SYT16: variants seen among roughly 807,000 people sequenced by gnomAD.
The protein encoded by SYT16 is synaptotagmin 16.
SYT16 carries 42 observed loss-of-function variants against 61.4 expected under a neutral mutation model. The observed-to-expected ratio is 0.68, with a 90% CI of 0.53 to 0.89. SYT16 has a LOEUF of 0.89. Ranked by LOEUF, SYT16 falls within the 40% of genes least tolerant of loss-of-function variation. The pLI is 0.00. For missense variants in SYT16, 804 were observed against 807.3 expected (o/e 1.00, Z 0.05); for synonymous variants, 314 against 302.3 (o/e 1.04, Z -0.40).
chr14:62,078,495 T>G (rs910260306), intron 5 of SYT16, among the ~76,000 whole-genome samples: 2 of 152,190 alleles, frequency 1.3e-5, no homozygotes, highest in Non-Finnish European at 2.9e-5. Flanking sequence ...AGATAATGTT[T>G]CTTAGTTGGG....
chr14:62,080,173 C>T (rs2056656567), intron 5 of SYT16, among the ~76,000 whole-genome samples: 1 of 152,180 alleles, frequency 6.6e-6, no homozygotes, highest in South Asian at 2.1e-4. Flanking sequence ...CTCCTAAATC[C>T]TTGCTGCTCA....
chr14:61,905,481 T>A (rs898648459), intron 1 of SYT16, among the ~76,000 whole-genome samples: 2 of 152,220 alleles, frequency 1.3e-5, no homozygotes, highest in African/African-American at 4.8e-5. Context: ...ATTTCCCAGA[T>A]CTTCTTGCAT....
At chr14:62,011,872 T>TACACACACACACACACACACAC (rs1233473446) in intron 3 of SYT16, among the ~76,000 whole-genome samples, 3 of 135,872 alleles carry the variant, frequency 2.2e-5, no homozygotes, top group African/African-American at 9.4e-5. Flanking sequence ...GAACACTATA[T>TACACACACACACACACACACAC]ATACACACAC....
chr14:61,951,672 C>T (rs2050675931), intron 1 of SYT16, among the ~76,000 whole-genome samples: 1 of 152,042 alleles, frequency 6.6e-6, no homozygotes, highest in Non-Finnish European at 1.5e-5. Context: ...AGTTAAATTG[C>T]CCCATTGACT....
At chr14:61,940,869 G>C (rs879696653) in intron 1 of SYT16, among the ~76,000 whole-genome samples, 3 of 152,138 alleles carry the variant, frequency 2.0e-5, no homozygotes, top group Admixed American at 2.0e-4. Context: ...GACAAGGTCT[G>C]TATGTTTTGC....
rs144277837 is a variant in SYT16, at chr14:61,858,463, C to A, written c.-325+45653C>A. 9.0e-3 allele frequency among the ~76,000 whole-genome samples: 1,368 copies of A among 152,264 alleles called. 10 individuals are homozygous for A. Among genetic ancestry groups the A allele is most frequent in the Non-Finnish European group, 0.013 (905 of 68,028 alleles). On this transcript the variant is annotated intron_variant, in intron 1 of 7. Transcript: ENST00000683842. ...AAGTTTAAGACAGGGCCTGGGAATA[C>A]TTCAGTGGTCTTAAAATAGGAAAGC...
At chr14:61,894,515 C>A (rs991035764) in intron 1 of SYT16, among the ~76,000 whole-genome samples, 5 of 152,074 alleles carry the variant, frequency 3.3e-5, no homozygotes, top group Non-Finnish European at 7.4e-5. Context: ...ATCCTGCTGC[C>A]AAGAAGATGA....
chr14:62,023,382 A>G (rs61993248), intron 3 of SYT16, among the ~76,000 whole-genome samples: 2,689 of 152,272 alleles, frequency 0.018, 29 homozygotes, highest in Non-Finnish European at 0.029. Flanking sequence ...GACTTCCCCC[A>G]AACATACAGG....
intron 1 of SYT16, among the ~76,000 whole-genome samples, chr14:61,879,396 G>C (rs1348311107): frequency 6.6e-6 from 1 of 152,150 alleles, no homozygotes; most frequent in Non-Finnish European, 1.5e-5. Flanking sequence ...TGTGCTCTTG[G>C]AAAATAGTAA....
At chr14:62,009,862 A>G (rs956934431) in intron 3 of SYT16, among the ~76,000 whole-genome samples, 2 of 152,048 alleles carry the variant, frequency 1.3e-5, no homozygotes, top group African/African-American at 4.8e-5. Context: ...CCTGAGCCCA[A>G]TTCTGTGGTG....
intron 1 of SYT16, among the ~76,000 whole-genome samples, chr14:61,820,132 C>T (rs1450420983): frequency 6.6e-6 from 1 of 152,236 alleles, no homozygotes; most frequent in Non-Finnish European, 1.5e-5. Flanking sequence ...CTAGGACAAG[C>T]ACCCAAAGGT....
At chr14:61,975,967 A>G (rs1020924532) in intron 2 of SYT16, among the ~76,000 whole-genome samples, 3 of 152,206 alleles carry the variant, frequency 2.0e-5, no homozygotes, top group African/African-American at 7.2e-5. Context: ...GAGCCTGTAA[A>G]ATCAAAAGCA....
At chr14:61,943,001 G>C (rs1006014542) in intron 1 of SYT16, among the ~76,000 whole-genome samples, 4 of 151,962 alleles carry the variant, frequency 2.6e-5, no homozygotes, top group African/African-American at 9.7e-5. Flanking sequence ...TAATAAAGAA[G>C]AAAAGAGAGA....
At chr14:62,078,755 G>GCCC (rs1476987212) in intron 5 of SYT16, among the ~76,000 whole-genome samples, 6 of 152,196 alleles carry the variant, frequency 3.9e-5, no homozygotes, top group Non-Finnish European at 8.8e-5. Context: ...ACATATATTG[G>GCCC]TGTCAAGCAG....
chr14:62,084,342 C>T lies in SYT16; in HGVS notation c.1581C>T (p.Ile527=), dbSNP rs1171218354. The T allele has an allele frequency of 6.2e-7, 1 of 1,613,132 alleles. No homozygotes were observed. The highest frequency in any genetic ancestry group is 2.2e-5 in the East Asian group (1 of 44,842). ...CGGGGCGATTATCTGTGGAAATGAT[C>T]AAAGGCAGCCATTTCCGAAACCTCG... The part of the protein sequence containing the change: ...ATTGRLSVEM[I]KGSHFRNLAV... Residue 527 remains isoleucine (I), a synonymous_variant, in exon 7 of 8, where the codon ATC becomes ATT. Coordinates refer to ENST00000683842, the MANE Select transcript of SYT16 (RefSeq NM_001367656.1).
intron 3 of SYT16, among the ~76,000 whole-genome samples, chr14:62,067,934 T>A (rs1436483731): frequency 6.6e-6 from 1 of 152,088 alleles, no homozygotes; most frequent in Non-Finnish European, 1.5e-5. Flanking sequence ...TGCAGTGAGC[T>A]GAGATTGTGG....
At chr14:61,956,658 T>G (rs2050888932) in intron 1 of SYT16, among the ~76,000 whole-genome samples, 1 of 152,060 alleles carries the variant, frequency 6.6e-6, no homozygotes, top group Non-Finnish European at 1.5e-5. Flanking sequence ...TCCATTGAGC[T>G]ATCTCTCTGT....
chr14:62,069,463 A>C (rs1566817155), intron 3 of SYT16, 140 bp from the exon 4 acceptor site: 1 of 819,838 alleles, frequency 1.2e-6, no homozygotes, highest in Admixed American at 2.7e-5. Flanking sequence ...AGTGCTTTAA[A>C]TTTTTTTTCT....
At chr14:61,961,122 G>A (rs541678555) in intron 1 of SYT16, among the ~76,000 whole-genome samples, 3 of 152,212 alleles carry the variant, frequency 2.0e-5, no homozygotes, top group Middle Eastern at 6.8e-3. Context: ...ATTAACTCAA[G>A]ATAGATTAAA....
Sources: allele counts gnomAD v4.1 joint callset (sites outside exome capture counted in the v4.1 genomes callset), GRCh38; gene constraint gnomAD v4.1.1; transcripts MANE v1.5; gene names NCBI Gene and HGNC (gene_info 2026-07-23, HGNC 2026-07-21).